Variants in GLIS3 observed in about 807,000 individuals in gnomAD.
GLIS3 encodes GLIS family zinc finger 3.
GLIS3 carries 53 observed loss-of-function variants against 78.6 expected under a neutral mutation model. The observed-to-expected ratio is 0.67, with a 90% CI of 0.54 to 0.85. The LOEUF is 0.85. GLIS3 is among the 40% of genes least tolerant of loss of function. The pLI is 0.00. For synonymous variants in GLIS3, 684 were observed against 509.9 expected (o/e 1.34, Z -4.60); for missense variants, 1,703 against 1,231.1 (o/e 1.38, Z -5.74).
At chr9:4,392,875 G>A in the GLIS3 span, among the ~76,000 whole-genome samples, 7 of 150,876 alleles carry the variant, frequency 4.6e-5, no homozygotes, top group Non-Finnish European at 1.0e-4. Context: ...TGAAATAACT[G>A]GAAAAAAATC....
chr9:4,050,557 T>G (rs2130469909), intron 4 of GLIS3, among the ~76,000 whole-genome samples: 1 of 152,236 alleles, frequency 6.6e-6, no homozygotes, highest in East Asian at 1.9e-4. Flanking sequence ...GTATCAAACC[T>G]GCAGCTTGTG....
chr9:4,368,831 A>T, the GLIS3 span, among the ~76,000 whole-genome samples: 25 of 152,198 alleles, frequency 1.6e-4, no homozygotes, highest in African/African-American at 6.0e-4. Flanking sequence ...TCTAATTCAA[A>T]GTGGAACTGG....
intron 2 of GLIS3, among the ~76,000 whole-genome samples, chr9:4,141,963 G>A (rs1432073249): frequency 1.3e-5 from 2 of 152,194 alleles, no homozygotes; most frequent in Non-Finnish European, 2.9e-5. Context: ...ATTGGAACAT[G>A]AGTTAGTATC....
chr9:4,420,693 G>A, the GLIS3 span, among the ~76,000 whole-genome samples: 1 of 152,110 alleles, frequency 6.6e-6, no homozygotes, highest in African/African-American at 2.4e-5. Context: ...GGGCCCCAGT[G>A]TACTAGTCCA....
intron 2 of GLIS3, among the ~76,000 whole-genome samples, chr9:4,245,391 G>A (rs115333435): frequency 0.01 from 1,588 of 152,236 alleles, 25 homozygotes; most frequent in African/African-American, 0.037. Flanking sequence ...TCATCACTTT[G>A]CCAAATTTCA....
At chr9:4,043,795 G>C (rs1825025321) in intron 4 of GLIS3, among the ~76,000 whole-genome samples, 1 of 152,212 alleles carries the variant, frequency 6.6e-6, no homozygotes, top group Non-Finnish European at 1.5e-5. Context: ...TAACACAAAA[G>C]AGAGAAGAGT....
the GLIS3 span, among the ~76,000 whole-genome samples, chr9:4,437,237 C>G: frequency 6.6e-6 from 1 of 152,142 alleles, no homozygotes; most frequent in Non-Finnish European, 1.5e-5. Context: ...CTTTTGATTG[C>G]TGGACCCCCA....
intron 2 of GLIS3, among the ~76,000 whole-genome samples, chr9:4,266,592 G>A (rs1214278862): frequency 1.2e-5 from 1 of 81,284 alleles, no homozygotes; most frequent in East Asian, 3.4e-4. Context: ...ATGCATGCGC[G>A]TGTACACACA....
At chr9:4,028,041 G>A (rs528006994) in intron 4 of GLIS3, among the ~76,000 whole-genome samples, 2 of 152,264 alleles carry the variant, frequency 1.3e-5, no homozygotes, top group African/African-American at 4.8e-5. Context: ...CACTACAGCG[G>A]CAGCATAGTA....
chr9:3,882,026 C>G (rs960643082), intron 7 of GLIS3, among the ~76,000 whole-genome samples: 4 of 152,184 alleles, frequency 2.6e-5, no homozygotes, highest in Admixed American at 2.6e-4. Context: ...TACATTTGCT[C>G]TATATGCAGA....
intron 4 of GLIS3, among the ~76,000 whole-genome samples, chr9:3,950,159 T>C (rs1563882652): frequency 6.6e-6 from 1 of 152,178 alleles, no homozygotes; most frequent in Non-Finnish European, 1.5e-5. Flanking sequence ...CTCTCAAACA[T>C]AAATACTTCT....
intron 2 of GLIS3, among the ~76,000 whole-genome samples, chr9:4,218,603 G>A (rs1405855273): frequency 2.0e-5 from 3 of 152,236 alleles, no homozygotes; most frequent in South Asian, 2.1e-4. Flanking sequence ...TAATGGAGAT[G>A]TTCTATATGT....
intron 2 of GLIS3, among the ~76,000 whole-genome samples, chr9:4,144,646 G>T (rs546798192): frequency 2.6e-5 from 4 of 152,210 alleles, no homozygotes; most frequent in African/African-American, 9.6e-5. Flanking sequence ...TAACTCAAAG[G>T]TCTCTAGATG....
chr9:4,398,472 T>C, the GLIS3 span, among the ~76,000 whole-genome samples: 1 of 151,964 alleles, frequency 6.6e-6, no homozygotes, highest in Non-Finnish European at 1.5e-5. Context: ...ATGCTGGAGT[T>C]GCCTTGGGGT....
chr9:3,900,261 A>G (rs913757985), intron 6 of GLIS3, among the ~76,000 whole-genome samples: 2 of 152,150 alleles, frequency 1.3e-5, no homozygotes, highest in African/African-American at 2.4e-5. Context: ...AAGAAGTGCA[A>G]TGTTAAAACG....
intron 4 of GLIS3, among the ~76,000 whole-genome samples, chr9:4,100,199 G>A (rs922472240): frequency 6.6e-6 from 1 of 151,996 alleles, no homozygotes; most frequent in Non-Finnish European, 1.5e-5. Flanking sequence ...GTAGTATGCG[G>A]GTACTAGGTT....
intron 2 of GLIS3, among the ~76,000 whole-genome samples, chr9:4,328,536 A>C (rs552676982): frequency 6.6e-6 from 1 of 152,318 alleles, no homozygotes; most frequent in South Asian, 2.1e-4. Context: ...CCCCTCCATA[A>C]AGGGGAAATC....
At chr9:3,879,709 T>C in intron 7 of GLIS3, 114 bp from the exon 8 acceptor site, 1 of 1,124,606 alleles carries the variant, frequency 8.9e-7, no homozygotes, top group Non-Finnish European at 1.3e-6. Context: ...TTTCTCTCAG[T>C]GGTTTTCAGG....
chr9:4,361,653 C>G, the GLIS3 span, among the ~76,000 whole-genome samples: 1 of 152,200 alleles, frequency 6.6e-6, no homozygotes, highest in African/African-American at 2.4e-5. Flanking sequence ...ACATTTCTAC[C>G]CTAGCCAGTC....
Sources: gnomAD v4.1 joint callset for allele counts (sites outside exome capture counted in the v4.1 genomes callset) on GRCh38, gnomAD v4.1.1 for gene constraint, MANE v1.5 for transcripts, NCBI Gene and HGNC (gene_info 2026-07-23, HGNC 2026-07-21) for gene names.